Variants in TRAPPC9 observed in about 807,000 individuals in gnomAD.
TRAPPC9 encodes IKK2 binding protein.
Under a neutral mutation model 124.0 loss-of-function variants are expected in TRAPPC9, and 83 were observed. The observed-to-expected ratio is 0.67, with a 90% confidence interval of 0.56 to 0.80. The LOEUF is 0.80. Among genes scored for constraint, TRAPPC9 ranks in the 30% least tolerant of loss-of-function variants. The pLI, the probability that TRAPPC9 is intolerant of heterozygous loss-of-function variation, is 0.00. For synonymous variants in TRAPPC9, 638 were observed against 617.5 expected (o/e 1.03, Z -0.49); for missense variants, 1,302 against 1,508.3 (o/e 0.86, Z 2.27).
At chr8:140,061,235 T>C (rs529623892) in intron 17 of TRAPPC9, among the ~76,000 whole-genome samples, 1 of 152,282 alleles carries the variant, frequency 6.6e-6, no homozygotes, top group East Asian at 1.9e-4. Flanking sequence ...TTATAAATAT[T>C]CTCTTAGCAC....
chr8:140,379,541 A>G (rs1214313957), intron 7 of TRAPPC9, among the ~76,000 whole-genome samples: 3 of 152,188 alleles, frequency 2.0e-5, no homozygotes, highest in Non-Finnish European at 4.4e-5. Context: ...CACAGTATAC[A>G]TGACACATTT....
At chr8:139,764,943 G>A (rs939245526) in intron 21 of TRAPPC9, among the ~76,000 whole-genome samples, 5 of 152,156 alleles carry the variant, frequency 3.3e-5, no homozygotes, top group African/African-American at 1.2e-4. Flanking sequence ...TACTTATCTA[G>A]ACACTCTGCC....
At chr8:140,122,375 C>T (rs1012063345) in intron 17 of TRAPPC9, among the ~76,000 whole-genome samples, 9 of 152,290 alleles carry the variant, frequency 5.9e-5, no homozygotes, top group Middle Eastern at 3.4e-3. Flanking sequence ...GGACTCCTGA[C>T]CCATAGAAAC....
rs34430255 is a variant in TRAPPC9, at chr8:139,934,280, C to CAG, written c.2811-23982_2811-23981dup. Among the ~76,000 whole-genome samples the CAG allele has an allele frequency of 5.5e-3, 819 of 148,880 alleles. 3 individuals carry two copies. The highest frequency in any genetic ancestry group is 0.012 in the South Asian group (58 of 4,696). ...CTGAATCCCTGACTTCAAGTCCAGT[C>CAG]AGAGAGAGAGAGAGAGAGAGAGAGA... is the stretch of plus-strand genomic sequence containing the variant. On this transcript the variant is annotated intron_variant, in intron 19 of 22. Coordinates refer to ENST00000438773, the MANE Select transcript of TRAPPC9 (RefSeq NM_001160372.4).
chr8:139,924,107 A>G (rs572330334), intron 19 of TRAPPC9, among the ~76,000 whole-genome samples: 2 of 152,268 alleles, frequency 1.3e-5, no homozygotes, highest in East Asian at 3.9e-4. Flanking sequence ...GAAGAACTCC[A>G]GGGTGTGGAG....
At chr8:140,025,004 GCTCCTGCTGGGGC>G (rs1344826953) in intron 17 of TRAPPC9, among the ~76,000 whole-genome samples, 9 of 152,200 alleles carry the variant, frequency 5.9e-5, no homozygotes, top group Admixed American at 5.2e-4. Context: ...GTACTCATGT[GCTCCTGCTGGGGC>G]CCAGCGGTAC....
intron 15 of TRAPPC9, among the ~76,000 whole-genome samples, chr8:140,259,938 A>G (rs1456808522): frequency 1.3e-5 from 2 of 152,262 alleles, no homozygotes; most frequent in Admixed American, 6.5e-5. Context: ...GGAATACCAC[A>G]GTGAATATAC....
intron 19 of TRAPPC9, among the ~76,000 whole-genome samples, chr8:139,915,137 C>T (rs893482263): frequency 6.0e-5 from 9 of 149,658 alleles, no homozygotes; most frequent in African/African-American, 1.7e-4. Flanking sequence ...GCCTTTTGGG[C>T]GGGCTCCTGG....
chr8:140,039,340 T>C (rs1841115531), intron 17 of TRAPPC9, among the ~76,000 whole-genome samples: 1 of 152,230 alleles, frequency 6.6e-6, no homozygotes, highest in Non-Finnish European at 1.5e-5. Context: ...GACACTTTCT[T>C]GTTAATGAGA....
At chr8:140,329,462 C>T (rs764200818) in intron 9 of TRAPPC9, among the ~76,000 whole-genome samples, 25 of 152,178 alleles carry the variant, frequency 1.6e-4, no homozygotes, top group Non-Finnish European at 2.9e-4. Flanking sequence ...CACACGACAA[C>T]GGTCTGGAAG....
intron 10 of TRAPPC9, among the ~76,000 whole-genome samples, chr8:140,306,583 G>T (rs190641530): frequency 6.6e-6 from 1 of 151,518 alleles, no homozygotes; most frequent in African/African-American, 2.4e-5. Context: ...CAAAAACTTA[G>T]AAGAAAGGCA....
chr8:140,187,495 G>A (rs934968485), intron 17 of TRAPPC9, among the ~76,000 whole-genome samples: 1 of 152,114 alleles, frequency 6.6e-6, no homozygotes, highest in Non-Finnish European at 1.5e-5. Context: ...CTGAAACACA[G>A]GTCAACTGTT....
intron 7 of TRAPPC9, among the ~76,000 whole-genome samples, chr8:140,385,347 CA>C (rs1563989293): frequency 6.6e-6 from 1 of 151,936 alleles, no homozygotes; most frequent in Admixed American, 6.6e-5. Flanking sequence ...GATAGAGACA[CA>C]AAAAACCTTT....
intron 15 of TRAPPC9, among the ~76,000 whole-genome samples, chr8:140,256,383 T>C (rs2064259491): frequency 6.6e-6 from 1 of 152,072 alleles, no homozygotes; most frequent in African/African-American, 2.4e-5. Flanking sequence ...ATCAATTGGG[T>C]CGCAGCTTTC....
chr8:139,794,458 G>A (rs1404552705), intron 21 of TRAPPC9, among the ~76,000 whole-genome samples: 6 of 152,198 alleles, frequency 3.9e-5, no homozygotes, highest in Admixed American at 2.6e-4. Context: ...AGGCATTCTC[G>A]CTTACCAAAG....
intron 13 of TRAPPC9, among the ~76,000 whole-genome samples, chr8:140,285,310 A>G (rs1207101183): frequency 6.6e-6 from 1 of 151,828 alleles, no homozygotes; most frequent in Non-Finnish European, 1.5e-5. Flanking sequence ...ATCCATTCCT[A>G]TCTCCTATGC....
intron 18 of TRAPPC9, among the ~76,000 whole-genome samples, chr8:140,023,169 C>A (rs745440082): frequency 1.1e-4 from 16 of 152,178 alleles, no homozygotes; most frequent in Non-Finnish European, 2.4e-4. Flanking sequence ...AGGTGAAGAG[C>A]ACCTGCTTCC....
chr8:140,133,860 T>A (rs191858326), intron 17 of TRAPPC9, among the ~76,000 whole-genome samples: 2 of 151,672 alleles, frequency 1.3e-5, no homozygotes, highest in East Asian at 3.9e-4. Flanking sequence ...AAAAGACTTG[T>A]ACACTACAAA....
At chr8:140,250,528 C>A (rs1209483832) in intron 16 of TRAPPC9, among the ~76,000 whole-genome samples, 1 of 152,158 alleles carries the variant, frequency 6.6e-6, no homozygotes, top group Non-Finnish European at 1.5e-5. Context: ...TGAGCCTCTG[C>A]CACTGAGTTC....
Sources: gnomAD v4.1 joint callset for allele counts (sites outside exome capture counted in the v4.1 genomes callset) on GRCh38, gnomAD v4.1.1 for gene constraint, MANE v1.5 for transcripts, NCBI Gene and HGNC (gene_info 2026-07-23, HGNC 2026-07-21) for gene names.